Variants in ITGB6 observed in about 807,000 individuals in gnomAD.
The protein encoded by ITGB6 is integrin subunit beta 6, also known as integrin beta-6.
In ITGB6, 80 loss-of-function variants were observed where a neutral mutation model predicts 84.5. That is an observed-to-expected ratio of 0.95 (90% CI 0.79 to 1.14). The LOEUF is 1.14. ITGB6 is among the 50% of genes most tolerant of loss of function. The pLI, the probability that ITGB6 is intolerant of heterozygous loss-of-function variation, is 0.00. For missense variants in ITGB6, 1,006 were observed against 968.0 expected, an observed-to-expected ratio of 1.04 and a Z score of -0.52; for synonymous variants, 383 against 354.9, an observed-to-expected ratio of 1.08 and a Z score of -0.89.
At chr2:160,103,971 G>A (rs556317358) in intron 14 of ITGB6, among the ~76,000 whole-genome samples, 2 of 152,324 alleles carry the variant, frequency 1.3e-5, no homozygotes, top group South Asian at 4.1e-4. Context: ...TATAGAGGAG[G>A]TGACTTGAAT....
At chr2:160,179,235 G>A (rs1685561740) in intron 4 of ITGB6, among the ~76,000 whole-genome samples, 1 of 151,680 alleles carries the variant, frequency 6.6e-6, no homozygotes, top group Admixed American at 6.6e-5. Flanking sequence ...TCCTGAGTGA[G>A]GTTAGAAATG....
intron 7 of ITGB6, among the ~76,000 whole-genome samples, chr2:160,163,305 C>T (rs1684886537): frequency 6.6e-6 from 1 of 152,196 alleles, no homozygotes; most frequent in Non-Finnish European, 1.5e-5. Context: ...TGTCAGGCAG[C>T]TCTGCTCTAC....
intron 12 of ITGB6, among the ~76,000 whole-genome samples, chr2:160,118,926 G>T (rs573085742): frequency 6.6e-6 from 1 of 152,142 alleles, no homozygotes; most frequent in Admixed American, 6.5e-5. Flanking sequence ...TTGCTTCAAA[G>T]AGAATAAAAT....
At chr2:160,144,032 T>C (rs1229411134) in intron 7 of ITGB6, among the ~76,000 whole-genome samples, 1 of 152,158 alleles carries the variant, frequency 6.6e-6, no homozygotes, top group Non-Finnish European at 1.5e-5. Context: ...ATTATTTTTG[T>C]TGTTGTTGTT....
chr2:160,137,972 A>G lies in ITGB6; in HGVS notation c.1242+93T>C, dbSNP rs950568168. 3 of 1,529,332 alleles carry G rather than the reference A, an allele frequency of 2.0e-6. No homozygotes were observed. In the African/African-American group the frequency reaches 4.2e-5, roughly 21 times the overall value. 94.7% of individuals were successfully genotyped at this position (1,529,332 alleles called of 1,614,324 possible). A position where few individuals can be genotyped will look rare whatever the true frequency, so the allele number is the denominator to read the frequency against. On this transcript the variant is annotated intron_variant, in intron 9 of 14. Coordinates refer to ENST00000283249, the MANE Select transcript of ITGB6 (RefSeq NM_000888.5). ...TAGAAAATCTTTGAAAATTGCTTTT[A>G]AAATTCTTGAAAGAAATCCAGCTTC... is the stretch of plus-strand genomic sequence containing the variant.
intron 4 of ITGB6, among the ~76,000 whole-genome samples, chr2:160,190,295 G>GTA (rs1468708957): frequency 6.6e-6 from 1 of 151,906 alleles, no homozygotes; most frequent in Non-Finnish European, 1.5e-5. Context: ...CATGGCACAT[G>GTA]TATATATATG....
chr2:160,199,284 G>A, intron 1 of ITGB6, 26 bp from the exon 2 acceptor site: 1 of 1,567,170 alleles, frequency 6.4e-7, no homozygotes, highest in Non-Finnish European at 8.8e-7. Context: ...GCAAGATGCA[G>A]GGATTAAGTA....
intron 7 of ITGB6, among the ~76,000 whole-genome samples, chr2:160,144,222 T>C (rs1241994530): frequency 2.0e-5 from 3 of 152,004 alleles, no homozygotes; most frequent in Non-Finnish European, 4.4e-5. Flanking sequence ...CTCTTAACAG[T>C]GTGAGATGCT....
intron 7 of ITGB6, among the ~76,000 whole-genome samples, chr2:160,158,338 G>A (rs185796319): frequency 1.3e-5 from 2 of 152,220 alleles, no homozygotes; most frequent in African/African-American, 4.8e-5. Context: ...AGCTGAGCGA[G>A]TGCTCGGCAG....
At chr2:160,126,772 T>C (rs1683262642) in intron 10 of ITGB6, among the ~76,000 whole-genome samples, 171 bp from the exon 11 acceptor site, 1 of 152,194 alleles carries the variant, frequency 6.6e-6, no homozygotes, top group Non-Finnish European at 1.5e-5. Context: ...ATATATTGTA[T>C]CAAATGTGTC....
chr2:160,120,142 T>C (rs1682968170), intron 12 of ITGB6, among the ~76,000 whole-genome samples: 1 of 151,980 alleles, frequency 6.6e-6, no homozygotes, highest in African/African-American at 2.4e-5. Flanking sequence ...AGAAATACTA[T>C]TTGACCCAGC....
At chr2:160,169,087 A>G (rs1685107364) in intron 7 of ITGB6, 125 bp downstream of exon 7, 4 of 597,566 alleles carry the variant, frequency 6.7e-6, no homozygotes, top group Non-Finnish European at 1.2e-5. Context: ...CCAAGCGCCC[A>G]GTACATTTGG....
intron 4 of ITGB6, among the ~76,000 whole-genome samples, chr2:160,181,834 T>C (rs1685690314): frequency 6.6e-6 from 1 of 152,214 alleles, no homozygotes; most frequent in East Asian, 1.9e-4. Flanking sequence ...CCGCTGGTGA[T>C]ACCCAGGCAA....
At chr2:160,119,017 G>C (rs1225344934) in intron 12 of ITGB6, among the ~76,000 whole-genome samples, 1 of 152,094 alleles carries the variant, frequency 6.6e-6, no homozygotes, top group Non-Finnish European at 1.5e-5. Context: ...AATAAAAGAG[G>C]ATACAAACAA....
At chr2:160,170,299 G>A (rs1172701691) in intron 6 of ITGB6, among the ~76,000 whole-genome samples, 1 of 152,174 alleles carries the variant, frequency 6.6e-6, no homozygotes, top group Non-Finnish European at 1.5e-5. Context: ...GGTTCAAGTT[G>A]AGAGAAAAGT....
At chr2:160,116,840 CA>C (rs1049527385) in intron 12 of ITGB6, among the ~76,000 whole-genome samples, 3 of 150,580 alleles carry the variant, frequency 2.0e-5, no homozygotes, top group African/African-American at 7.3e-5. Flanking sequence ...AAATGGAAAA[CA>C]AAAAAAGGCA....
intron 7 of ITGB6, among the ~76,000 whole-genome samples, chr2:160,163,027 A>G (rs1684877020): frequency 6.6e-6 from 1 of 152,156 alleles, no homozygotes; most frequent in South Asian, 2.1e-4. Context: ...TTTGATTGGA[A>G]CCATAGATTG....
intron 7 of ITGB6, among the ~76,000 whole-genome samples, chr2:160,157,311 G>A (rs1684659881): frequency 6.6e-6 from 1 of 152,146 alleles, no homozygotes; most frequent in Non-Finnish European, 1.5e-5. Flanking sequence ...AAGGAAGAGG[G>A]GGACATGATT....
intron 10 of ITGB6, among the ~76,000 whole-genome samples, chr2:160,128,345 A>C (rs1437395001): frequency 2.0e-5 from 3 of 152,100 alleles, no homozygotes; most frequent in African/African-American, 7.2e-5. Flanking sequence ...ATACCCATAG[A>C]ACTTTCCTAT....
Sources: allele counts gnomAD v4.1 joint callset (sites outside exome capture counted in the v4.1 genomes callset), GRCh38; gene constraint gnomAD v4.1.1; transcripts MANE v1.5; gene names NCBI Gene and HGNC (gene_info 2026-07-23, HGNC 2026-07-21).